Variants in TMEM132D observed in about 807,000 individuals in gnomAD.
TMEM132D encodes mature OL transmembrane protein.
Under a neutral mutation model 62.3 loss-of-function variants are expected in TMEM132D, and 21 were observed. The ratio of observed to expected loss-of-function variants is 0.34; its 90% CI spans 0.24 to 0.49. The LOEUF (loss-of-function observed/expected upper bound fraction) is 0.49, where lower values mean the gene tolerates loss of function less well. Ranked by LOEUF, TMEM132D falls within the 20% of genes least tolerant of loss-of-function variation. The pLI, the probability that TMEM132D is intolerant of heterozygous loss-of-function variation, is 0.99. For missense variants in TMEM132D, 1,346 were observed against 1,402.8 expected (o/e 0.96, Z 0.65); for synonymous variants, 621 against 575.6 (o/e 1.08, Z -1.13).
At chr12:129,833,475 A>C (rs1380167024) in intron 1 of TMEM132D, among the ~76,000 whole-genome samples, 1 of 151,662 alleles carries the variant, frequency 6.6e-6, no homozygotes, top group Non-Finnish European at 1.5e-5. Context: ...AAAAACAAAA[A>C]ACAGCCAGCT....
intron 3 of TMEM132D, among the ~76,000 whole-genome samples, chr12:129,495,222 T>A (rs1242778138): frequency 9.0e-6 from 1 of 110,804 alleles, no homozygotes; most frequent in African/African-American, 4.5e-5. Flanking sequence ...TCAAAGCCAA[T>A]GTTAATAATT....
chr12:129,400,095 A>G (rs558649507), intron 3 of TMEM132D, among the ~76,000 whole-genome samples: 1 of 152,178 alleles, frequency 6.6e-6, no homozygotes, highest in African/African-American at 2.4e-5. Flanking sequence ...TTCATCTAGT[A>G]TTTTCCAAGA....
chr12:129,777,385 C>T (rs139237350), intron 1 of TMEM132D, among the ~76,000 whole-genome samples: 1 of 152,294 alleles, frequency 6.6e-6, no homozygotes, highest in African/African-American at 2.4e-5. Context: ...ACAGACTCTG[C>T]GTGGGAAGAA....
intron 3 of TMEM132D, among the ~76,000 whole-genome samples, chr12:129,408,617 C>T (rs2135704470): frequency 6.6e-6 from 1 of 150,546 alleles, no homozygotes; most frequent in South Asian, 2.1e-4. Flanking sequence ...CCATTGAGAG[C>T]TATTCAGAAA....
At chr12:129,819,326 C>T (rs1872476037) in intron 1 of TMEM132D, among the ~76,000 whole-genome samples, 1 of 152,016 alleles carries the variant, frequency 6.6e-6, no homozygotes, top group Non-Finnish European at 1.5e-5. Flanking sequence ...CATCTGGTTT[C>T]CCCATCAATT....
At chr12:129,690,389 A>G (rs988607266) in intron 2 of TMEM132D, among the ~76,000 whole-genome samples, 46 of 152,174 alleles carry the variant, frequency 3.0e-4, no homozygotes, top group African/African-American at 1.0e-3. Flanking sequence ...AAATATACCA[A>G]TTAAAAGAGA....
chr12:129,162,291 C>T (rs961177640), intron 5 of TMEM132D, among the ~76,000 whole-genome samples: 4 of 152,124 alleles, frequency 2.6e-5, no homozygotes, highest in Non-Finnish European at 2.9e-5. Context: ...AGAAGGCAGC[C>T]GTGCACAAGC....
At chr12:129,893,085 C>T (rs1200656197) in intron 1 of TMEM132D, among the ~76,000 whole-genome samples, 2 of 152,118 alleles carry the variant, frequency 1.3e-5, no homozygotes, top group Non-Finnish European at 2.9e-5. Context: ...TCATGTTGGC[C>T]AGGCTGGTCT....
rs547410674 is a variant in TMEM132D, at chr12:129,289,080, G to C, written c.1299+48554C>G. On this transcript the variant is annotated intron_variant, in intron 4 of 8. Transcript: ENST00000422113. ...AACTCATAGAAGCAGACAGTAGAACGGTGGGTGCCAGGGATGGGGGTATCG... is the reference window on the plus strand; with the variant it reads ...AACTCATAGAAGCAGACAGTAGAACCGTGGGTGCCAGGGATGGGGGTATCG... 1.1e-4 allele frequency among the ~76,000 whole-genome samples: 16 copies of C among 152,194 alleles called. No individual in the cohort carries two copies. The East Asian group carries it at 1.9e-3, about 18-fold the overall frequency.
chr12:129,216,348 T>C (rs1200214954), intron 4 of TMEM132D, among the ~76,000 whole-genome samples: 4 of 152,168 alleles, frequency 2.6e-5, no homozygotes, highest in Admixed American at 6.5e-5. Flanking sequence ...TGTGAGCTTA[T>C]TTGGAATCAG....
intron 2 of TMEM132D, among the ~76,000 whole-genome samples, chr12:129,616,831 C>T (rs901604300): frequency 6.6e-6 from 1 of 152,172 alleles, no homozygotes; most frequent in Non-Finnish European, 1.5e-5. Flanking sequence ...TGGACTAACA[C>T]AATTATGTGC....
chr12:129,632,159 AAT>A (rs1879361626), intron 2 of TMEM132D, among the ~76,000 whole-genome samples: 1 of 152,188 alleles, frequency 6.6e-6, no homozygotes, highest in Admixed American at 6.5e-5. Context: ...CATAATTAGG[AAT>A]ATAAGTTAGC....
chr12:129,826,739 A>T (rs867354817), intron 1 of TMEM132D, among the ~76,000 whole-genome samples: 1 of 152,212 alleles, frequency 6.6e-6, no homozygotes, highest in African/African-American at 2.4e-5. Flanking sequence ...CCTGGTAACC[A>T]GGTACGAATG....
intron 1 of TMEM132D, among the ~76,000 whole-genome samples, chr12:129,758,654 A>G (rs1380575181): frequency 1.3e-5 from 2 of 152,226 alleles, no homozygotes; most frequent in African/African-American, 4.8e-5. Context: ...CTTTAATAAC[A>G]GATATGAAAT....
intron 2 of TMEM132D, among the ~76,000 whole-genome samples, chr12:129,661,191 G>C (rs766704870): frequency 1.8e-4 from 28 of 152,030 alleles, no homozygotes; most frequent in Non-Finnish European, 3.5e-4. Flanking sequence ...TCCCAACAGT[G>C]GCCATTTGCG....
At chr12:129,673,419 G>A (rs1327746439) in intron 2 of TMEM132D, among the ~76,000 whole-genome samples, 1 of 152,144 alleles carries the variant, frequency 6.6e-6, no homozygotes, top group African/African-American at 2.4e-5. Context: ...TTTCATACAT[G>A]TATGGAAATT....
intron 5 of TMEM132D, among the ~76,000 whole-genome samples, chr12:129,153,777 C>A (rs780143948): frequency 6.6e-6 from 1 of 152,052 alleles, no homozygotes; most frequent in Non-Finnish European, 1.5e-5. Context: ...ATCAGGCGGA[C>A]GTGATTGCAA....
intron 2 of TMEM132D, among the ~76,000 whole-genome samples, chr12:129,687,841 A>G (rs1167119777): frequency 3.3e-5 from 5 of 152,180 alleles, no homozygotes; most frequent in East Asian, 3.9e-4. Flanking sequence ...GTGAATTTCT[A>G]TTGCTGAGTA....
intron 1 of TMEM132D, among the ~76,000 whole-genome samples, chr12:129,810,243 T>C (rs1359389310): frequency 6.6e-6 from 1 of 152,154 alleles, no homozygotes; most frequent in East Asian, 1.9e-4. Flanking sequence ...GAGCAACGTA[T>C]GAATTTGGAA....
Sources: gnomAD v4.1 joint callset for allele counts (sites outside exome capture counted in the v4.1 genomes callset) on GRCh38, gnomAD v4.1.1 for gene constraint, MANE v1.5 for transcripts, NCBI Gene and HGNC (gene_info 2026-07-23, HGNC 2026-07-21) for gene names.